HDAC9: variants seen among roughly 807,000 people sequenced by gnomAD.
HDAC9 encodes histone deacetylase 9.
Under a neutral mutation model 139.4 loss-of-function variants are expected in HDAC9, and 41 were observed. The observed-to-expected ratio is 0.29, with a 90% confidence interval of 0.23 to 0.38. The LOEUF (loss-of-function observed/expected upper bound fraction) is 0.38. Ranked by LOEUF, HDAC9 falls within the 10% of genes least tolerant of loss-of-function variation. HDAC9 has a pLI of 1.00. For missense variants in HDAC9, 1,147 were observed against 1,297.0 expected, an observed-to-expected ratio of 0.88 and a Z score of 1.78; for synonymous variants, 517 against 476.2, an observed-to-expected ratio of 1.09 and a Z score of -1.12.
chr7:18,716,419 CAA>C (rs1371270239), intron 12 of HDAC9, among the ~76,000 whole-genome samples: 4 of 152,036 alleles, frequency 2.6e-5, no homozygotes, highest in Admixed American at 6.5e-5. Flanking sequence ...TATTTAATTT[CAA>C]AATTGGAATA....
intron 6 of HDAC9, 107 bp from the exon 7 acceptor site, chr7:18,629,243 A>C: frequency 9.6e-7 from 1 of 1,046,658 alleles, no homozygotes; most frequent in Non-Finnish European, 1.3e-6. Flanking sequence ...TGAGAATGAG[A>C]ATGGACCAAG....
chr7:18,155,283 A>G (rs1787106073), intron 1 of HDAC9, among the ~76,000 whole-genome samples: 4 of 151,974 alleles, frequency 2.6e-5, no homozygotes, highest in Admixed American at 2.0e-4. Context: ...GTGCAGTAAG[A>G]CTTTTTGATA....
chr7:18,422,744 G>GCACACACACACACA (rs1233787931), intron 1 of HDAC9, among the ~76,000 whole-genome samples: 1 of 26,238 alleles, frequency 3.8e-5, no homozygotes, highest in African/African-American at 6.4e-5. Flanking sequence ...ACACACACGC[G>GCACACACACACACA]CACACACACA....
At chr7:18,237,710 TA>T (rs1793917720) in intron 2 of HDAC9, among the ~76,000 whole-genome samples, 1 of 152,228 alleles carries the variant, frequency 6.6e-6, no homozygotes, top group Non-Finnish European at 1.5e-5. Context: ...TAAGCCAGCC[TA>T]AATTTAGACA....
chr7:18,760,036 C>G (rs1789244016), intron 14 of HDAC9, among the ~76,000 whole-genome samples: 1 of 152,144 alleles, frequency 6.6e-6, no homozygotes, highest in Admixed American at 6.6e-5. Flanking sequence ...TGGGTCTGAT[C>G]ATTAGCTGCA....
At chr7:18,792,679 A>G (rs982225137) in intron 16 of HDAC9, among the ~76,000 whole-genome samples, 3 of 152,226 alleles carry the variant, frequency 2.0e-5, no homozygotes, top group African/African-American at 7.2e-5. Context: ...TTGAACTGAA[A>G]CAATCTGACA....
At chr7:18,582,037 G>A (rs1257895488) in intron 2 of HDAC9, among the ~76,000 whole-genome samples, 1 of 152,160 alleles carries the variant, frequency 6.6e-6, no homozygotes, top group East Asian at 1.9e-4. Flanking sequence ...CAGTCTGCAT[G>A]CACAGGCACA....
rs1398144178 is a variant in HDAC9 at position 18,429,758 on chromosome 7, A to G, written c.-41-66504A>G. ...ATTCAAAATTTCTTTGAAACGAATC[A>G]TCGAATTCCTATGCTATTTAGATAC... On this transcript the variant is annotated intron_variant, in intron 1 of 3. Transcript: ENST00000413509. 2.0e-5 allele frequency among the ~76,000 whole-genome samples: 3 copies of G among 152,224 alleles called. No homozygotes were observed. In the East Asian group the frequency reaches 5.8e-4, roughly 29 times the overall value.
At chr7:18,878,933 C>A (rs1254072125) in intron 22 of HDAC9, among the ~76,000 whole-genome samples, 3 of 152,178 alleles carry the variant, frequency 2.0e-5, no homozygotes, top group Non-Finnish European at 4.4e-5. Flanking sequence ...CCAAAAGCTC[C>A]TTTGGCTGAC....
chr7:18,941,355 G>T (rs143407939), intron 23 of HDAC9, among the ~76,000 whole-genome samples: 56 of 152,128 alleles, frequency 3.7e-4, no homozygotes, highest in Middle Eastern at 3.4e-3. Flanking sequence ...TGATTGTGTT[G>T]GTTGATAATC....
upstream of HDAC9, among the ~76,000 whole-genome samples, chr7:18,288,592 C>T (rs1019373077): frequency 3.9e-5 from 6 of 152,054 alleles, no homozygotes; most frequent in Non-Finnish European, 5.9e-5. Flanking sequence ...GCCTGGAGCA[C>T]TTTATGATTA....
chr7:18,142,871 G>A (rs1000992408), intron 1 of HDAC9, among the ~76,000 whole-genome samples: 1 of 152,160 alleles, frequency 6.6e-6, no homozygotes. Context: ...GGCGTAAACC[G>A]ATAGCAGCCA....
At chr7:18,924,449 TAAG>T (rs1305367304) in intron 22 of HDAC9, among the ~76,000 whole-genome samples, 2 of 152,142 alleles carry the variant, frequency 1.3e-5, no homozygotes, top group African/African-American at 2.4e-5. Context: ...GCAGGAAAAA[TAAG>T]AAGTCATCAG....
chr7:18,134,224 T>A (rs1289095102), intron 1 of HDAC9, among the ~76,000 whole-genome samples: 1 of 152,174 alleles, frequency 6.6e-6, no homozygotes, highest in Non-Finnish European at 1.5e-5. Context: ...TTTCAGAGAC[T>A]AAATTATCTT....
At chr7:18,433,192 C>T (rs1430128829) in intron 1 of HDAC9, among the ~76,000 whole-genome samples, 1 of 152,144 alleles carries the variant, frequency 6.6e-6, no homozygotes, top group Non-Finnish European at 1.5e-5. Context: ...TAAAATTCAA[C>T]ATTCTTTCAT....
At chr7:18,474,155 A>G (rs911907741) in intron 1 of HDAC9, among the ~76,000 whole-genome samples, 2 of 152,234 alleles carry the variant, frequency 1.3e-5, no homozygotes, top group Non-Finnish European at 2.9e-5. Flanking sequence ...GTGCATACAT[A>G]TATGCATTTT....
intron 2 of HDAC9, among the ~76,000 whole-genome samples, chr7:18,239,998 AGGAC>A (rs1196903283): frequency 6.8e-6 from 1 of 146,552 alleles, no homozygotes; most frequent in Admixed American, 6.9e-5. Flanking sequence ...GACTTTGTCC[AGGAC>A]AGAAAACTTC....
intron 6 of HDAC9, among the ~76,000 whole-genome samples, chr7:18,610,830 C>T (rs758818677): frequency 1.3e-5 from 2 of 152,206 alleles, no homozygotes; most frequent in South Asian, 2.1e-4. Context: ...CAATTCCGTT[C>T]CTTTAATTTG....
At chr7:18,956,821 A>C (rs137948002) in intron 24 of HDAC9, among the ~76,000 whole-genome samples, 1 of 152,162 alleles carries the variant, frequency 6.6e-6, no homozygotes, top group East Asian at 1.9e-4. Context: ...ATTCAGGCCA[A>C]TGAAAATCAG....
Sources: allele counts gnomAD v4.1 joint callset (sites outside exome capture counted in the v4.1 genomes callset), GRCh38; gene constraint gnomAD v4.1.1; transcripts MANE v1.5; gene names NCBI Gene and HGNC (gene_info 2026-07-23, HGNC 2026-07-21).